Variants in TCF12 observed in about 807,000 individuals in gnomAD.
TCF12 encodes the protein DNA-binding protein HTF4.
Under a neutral mutation model 86.0 loss-of-function variants are expected in TCF12, and 45 were observed. That is an observed-to-expected ratio of 0.52 (90% CI 0.41 to 0.67). The LOEUF (loss-of-function observed/expected upper bound fraction) is 0.67, where lower values mean the gene tolerates loss of function less well. Ranked by LOEUF, TCF12 falls within the 30% of genes least tolerant of loss-of-function variation. The pLI is 0.00. For missense variants in TCF12, 881 were observed against 859.9 expected, an observed-to-expected ratio of 1.02 and a Z score of -0.31; for synonymous variants, 330 against 299.6, an observed-to-expected ratio of 1.10 and a Z score of -1.05.
At chr15:56,998,396 G>T (rs1407875313) in intron 3 of TCF12, among the ~76,000 whole-genome samples, 1 of 149,028 alleles carries the variant, frequency 6.7e-6, no homozygotes, top group African/African-American at 2.5e-5. Flanking sequence ...GGTGGAGACT[G>T]CAGTGAGCCA....
chr15:56,960,483 G>A (rs1450951724), intron 3 of TCF12, among the ~76,000 whole-genome samples: 1 of 147,982 alleles, frequency 6.8e-6, no homozygotes, highest in East Asian at 2.0e-4. Context: ...AAGTTGGAGT[G>A]CAGTGGCATA....
chr15:57,071,085 T>C (rs2069333176), intron 4 of TCF12, among the ~76,000 whole-genome samples: 1 of 152,116 alleles, frequency 6.6e-6, no homozygotes, highest in African/African-American at 2.4e-5. Flanking sequence ...GAAATATGCT[T>C]AGACATGTAA....
chr15:57,286,646 C>T lies in TCF12; in HGVS notation c.*501C>T, dbSNP rs1425591873. On this transcript the variant is annotated 3_prime_UTR_variant, in exon 21 of 21. Transcript: ENST00000333725. Reference sequence around the variant, plus strand: ...AGAACAAAGCAGTGACAACCATTGGCCCTTAGCATTCCCGGCATACCTATT... The same window carrying T: ...AGAACAAAGCAGTGACAACCATTGGTCCTTAGCATTCCCGGCATACCTATT... 1 of 456,706 alleles carries T rather than the reference C, an allele frequency of 2.2e-6. No individual in the cohort carries two copies. The highest frequency in any genetic ancestry group is 2.3e-5 in the Admixed American group (1 of 42,582). 28.3% of individuals were successfully genotyped at this position (456,706 alleles called of 1,614,324 possible).
chr15:57,126,431 A>G (rs373222746), intron 5 of TCF12, among the ~76,000 whole-genome samples: 1 of 152,186 alleles, frequency 6.6e-6, no homozygotes. Flanking sequence ...TTCAGATTTC[A>G]TAATCTCTAC....
At chr15:57,261,967 A>G (rs1341745555) in intron 16 of TCF12, 127 bp from the exon 17 acceptor site, 1 of 553,902 alleles carries the variant, frequency 1.8e-6, no homozygotes, top group East Asian at 3.1e-5. Context: ...AATGGCATCC[A>G]GAAAAAGTTG....
chr15:57,161,611 C>G (rs761581309), intron 5 of TCF12, among the ~76,000 whole-genome samples: 1 of 152,046 alleles, frequency 6.6e-6, no homozygotes, highest in Non-Finnish European at 1.5e-5. Flanking sequence ...GGTTTCTTAA[C>G]CTGGAGTCCA....
rs1367665395 is a variant in TCF12, at chr15:57,033,735, G to C, written c.149-30015G>C. Reference sequence around the variant, plus strand: ...ATTAGTAAAAATTATTAGCTTTCTTGCTTATTTAATTCTAAAGATGTACCA... The same window carrying C: ...ATTAGTAAAAATTATTAGCTTTCTTCCTTATTTAATTCTAAAGATGTACCA... On this transcript the variant is annotated intron_variant, in intron 3 of 20. Coordinates refer to ENST00000333725, the MANE Select transcript of TCF12 (RefSeq NM_207037.2). 3.3e-5 allele frequency among the ~76,000 whole-genome samples: 5 copies of C among 152,182 alleles called. No homozygotes were observed. The East Asian group carries it at 9.6e-4, about 29-fold the overall frequency.
Position 57,049,306 on chromosome 15 carries a change from G to A in TCF12, c.149-14444G>A, listed in dbSNP as rs114499772. On this transcript the variant is annotated intron_variant, in intron 3 of 20. Transcript: ENST00000333725. ...CATTTTTCAGTGGATTTATTTTATAGATACTTCCGTCTGCTTCCCAGGAAC... is the reference window on the plus strand; with the variant it reads ...CATTTTTCAGTGGATTTATTTTATAAATACTTCCGTCTGCTTCCCAGGAAC... Among the ~76,000 whole-genome samples the A allele has an allele frequency of 4.8e-3, 727 of 152,222 alleles. 7 individuals carry two copies. The highest frequency in any genetic ancestry group is 0.017 in the African/African-American group (699 of 41,528).
intron 4 of TCF12, among the ~76,000 whole-genome samples, chr15:57,084,195 C>T (rs1170289530): frequency 6.6e-6 from 1 of 151,994 alleles, no homozygotes; most frequent in Non-Finnish European, 1.5e-5. Context: ...AGTGATAATA[C>T]TGTTGATTTA....
intron 12 of TCF12, among the ~76,000 whole-genome samples, chr15:57,242,760 A>G (rs1225914856): frequency 1.3e-5 from 2 of 152,234 alleles, no homozygotes; most frequent in Non-Finnish European, 2.9e-5. Flanking sequence ...AAGTATTGCA[A>G]TAAAAGTTTG....
chr15:57,078,999 A>C (rs2070386314), intron 4 of TCF12, among the ~76,000 whole-genome samples: 1 of 152,210 alleles, frequency 6.6e-6, no homozygotes, highest in Non-Finnish European at 1.5e-5. Context: ...AGTATCTGAA[A>C]ATTTTATATT....
intron 13 of TCF12, 119 bp from the exon 14 acceptor site, chr15:57,251,231 C>A (rs2060102029): frequency 6.2e-6 from 5 of 806,706 alleles, no homozygotes; most frequent in Non-Finnish European, 9.9e-6. Context: ...ATGCTGAAGG[C>A]CAAACAAAAA....
chr15:57,046,726 G>T, intron 3 of TCF12, among the ~76,000 whole-genome samples: 1 of 152,316 alleles, frequency 6.6e-6, no homozygotes, highest in African/African-American at 2.4e-5. Context: ...CAAGTGCTGG[G>T]ATTACAGGCG....
chr15:57,248,942 A>G (rs960816994), intron 13 of TCF12, among the ~76,000 whole-genome samples: 2 of 152,236 alleles, frequency 1.3e-5, no homozygotes, highest in South Asian at 2.1e-4. Context: ...ATTCTGAGGC[A>G]TTTGAACGTA....
chr15:57,115,431 C>T (rs1567452378), intron 5 of TCF12, among the ~76,000 whole-genome samples: 1 of 152,110 alleles, frequency 6.6e-6, no homozygotes, highest in South Asian at 2.1e-4. Context: ...GTGGCATTAG[C>T]ATCTTACAAA....
At chr15:56,947,088 G>A (rs2061036971) in intron 3 of TCF12, among the ~76,000 whole-genome samples, 1 of 152,154 alleles carries the variant, frequency 6.6e-6, no homozygotes, top group Admixed American at 6.5e-5. Flanking sequence ...ATGCACCACT[G>A]TGTCCTGCCT....
chr15:56,927,305 A>G (rs1408140207), intron 3 of TCF12, among the ~76,000 whole-genome samples: 1 of 152,256 alleles, frequency 6.6e-6, no homozygotes, highest in African/African-American at 2.4e-5. Context: ...ATACATAGTC[A>G]TAATTGAAAA....
At chr15:57,284,599 A>G (rs539651619) in intron 20 of TCF12, among the ~76,000 whole-genome samples, 15 of 152,268 alleles carry the variant, frequency 9.9e-5, no homozygotes, top group African/African-American at 3.6e-4. Flanking sequence ...TATTTCAAAG[A>G]AGAGTGATGG....
chr15:57,194,674 C>G (rs1214013198), intron 7 of TCF12, among the ~76,000 whole-genome samples: 1 of 152,084 alleles, frequency 6.6e-6, no homozygotes, highest in African/African-American at 2.4e-5. Flanking sequence ...TAATGGAAAC[C>G]TAATAATAAT....
Sources: gnomAD v4.1 joint callset for allele counts (sites outside exome capture counted in the v4.1 genomes callset) on GRCh38, gnomAD v4.1.1 for gene constraint, MANE v1.5 for transcripts, NCBI Gene and HGNC (gene_info 2026-07-23, HGNC 2026-07-21) for gene names.